DGKI: variants seen among roughly 807,000 people sequenced by gnomAD.
DGKI encodes the protein diacylglycerol kinase iota, also known as DAG kinase iota.
Under a neutral mutation model 147.5 loss-of-function variants are expected in DGKI, and 55 were observed. The observed-to-expected ratio is 0.37, with a 90% CI of 0.30 to 0.47. The LOEUF (loss-of-function observed/expected upper bound fraction) is 0.47. Ranked by LOEUF, DGKI falls within the 20% of genes least tolerant of loss-of-function variation. The probability of loss-of-function intolerance (pLI) is 1.00; values close to 1 mark genes in which losing one functional copy is unlikely to be tolerated. For synonymous variants in DGKI, 469 were observed against 477.1 expected (o/e 0.98, Z 0.22); for missense variants, 1,007 against 1,323.8 (o/e 0.76, Z 3.71).
At chr7:137,809,264 C>G (rs943285203) in intron 1 of DGKI, among the ~76,000 whole-genome samples, 1 of 152,034 alleles carries the variant, frequency 6.6e-6, no homozygotes, top group African/African-American at 2.4e-5. Flanking sequence ...CAGGAGGCTA[C>G]AGAATAGCAA....
chr7:137,436,918 GA>G (rs1216074726), intron 28 of DGKI, among the ~76,000 whole-genome samples: 2 of 152,118 alleles, frequency 1.3e-5, no homozygotes, highest in Non-Finnish European at 2.9e-5. Context: ...TCAAGATGAA[GA>G]AAAGAGTATT....
chr7:137,642,929 A>AGTGTGT (rs1207086851), intron 6 of DGKI, among the ~76,000 whole-genome samples: 52,952 of 120,866 alleles, frequency 0.44, 12,582 homozygotes, highest in Admixed American at 0.55. Flanking sequence ...ATTATGGAAT[A>AGTGTGT]GTGTGTGTGT....
At chr7:137,396,665 G>T (rs1275372412) in intron 31 of DGKI, among the ~76,000 whole-genome samples, 1 of 152,068 alleles carries the variant, frequency 6.6e-6, no homozygotes, top group Non-Finnish European at 1.5e-5. Flanking sequence ...CTTCCCACAT[G>T]CTTAGCTACT....
At chr7:137,602,523 A>C (rs1820029155) in intron 10 of DGKI, among the ~76,000 whole-genome samples, 1 of 152,228 alleles carries the variant, frequency 6.6e-6, no homozygotes. Flanking sequence ...TCTTTTCAAA[A>C]TATGGTATTT....
Position 137,543,052 on chromosome 7 carries a change from G to C in DGKI, c.2147+9317C>G, listed in dbSNP as rs116259755. Among the ~76,000 whole-genome samples, 1,094 of 152,286 alleles carry C rather than the reference G, an allele frequency of 7.2e-3. 9 individuals carry two copies. The highest frequency in any genetic ancestry group is 0.02 in the Middle Eastern group (6 of 294). On this transcript the variant is annotated intron_variant, in intron 20 of 32. Coordinates refer to ENST00000614521, the MANE Select transcript of DGKI (RefSeq NM_001321708.2). ...ATGGGGGAAGAGCAGGAGGGAAACA[G>C]AACCTAATGAGAGGTAGCTACTAAA... is the stretch of plus-strand genomic sequence containing the variant.
rs144837402 is a variant in DGKI, at chr7:137,736,709, G to A, written c.402-46707C>T. On this transcript the variant is annotated intron_variant, in intron 1 of 32. Coordinates refer to ENST00000614521, the MANE Select transcript of DGKI (RefSeq NM_001321708.2). Reference sequence around the variant, plus strand: ...AATTGACCATATGGGATCTTCTGTGGGTTACAAAAATAGCATAATTTAATC... The same window carrying A: ...AATTGACCATATGGGATCTTCTGTGAGTTACAAAAATAGCATAATTTAATC... 5.3e-3 allele frequency among the ~76,000 whole-genome samples: 804 copies of A among 152,122 alleles called. 6 individuals carry two copies. The highest frequency in any genetic ancestry group is 0.018 in the African/African-American group (765 of 41,504).
intron 27 of DGKI, among the ~76,000 whole-genome samples, chr7:137,461,741 G>A (rs763460299): frequency 4.9e-4 from 75 of 151,906 alleles, no homozygotes; most frequent in Non-Finnish European, 9.9e-4. Flanking sequence ...TGTTTTCAAA[G>A]TAATTTTTCA....
At chr7:137,723,080 T>A (rs1013775204) in intron 1 of DGKI, among the ~76,000 whole-genome samples, 1 of 152,070 alleles carries the variant, frequency 6.6e-6, no homozygotes, top group African/African-American at 2.4e-5. Context: ...TCAGTTAGAG[T>A]TCATAAAGCA....
chr7:137,831,172 G>A (rs561092899), intron 1 of DGKI, among the ~76,000 whole-genome samples: 2 of 152,322 alleles, frequency 1.3e-5, no homozygotes, highest in South Asian at 4.1e-4. Flanking sequence ...ACATTCACAA[G>A]CAGAGGCTGC....
At chr7:137,737,204 C>CAAAAAAAAA (rs763572711) in intron 1 of DGKI, among the ~76,000 whole-genome samples, 14 of 83,470 alleles carry the variant, frequency 1.7e-4, no homozygotes, top group East Asian at 3.3e-4. Context: ...CTCATTTCAC[C>CAAAAAAAAA]AAAAAAAAAA....
chr7:137,442,560 A>G (rs1286658062), intron 28 of DGKI, among the ~76,000 whole-genome samples: 1 of 152,234 alleles, frequency 6.6e-6, no homozygotes, highest in Non-Finnish European at 1.5e-5. Flanking sequence ...TAAATGGGCA[A>G]ACACCTAGTA....
chr7:137,830,432 G>A (rs1798185662), intron 1 of DGKI, among the ~76,000 whole-genome samples: 1 of 152,208 alleles, frequency 6.6e-6, no homozygotes. Flanking sequence ...GAGAATTTTT[G>A]TAAATTCATG....
intron 8 of DGKI, among the ~76,000 whole-genome samples, chr7:137,610,712 A>G (rs568107725): frequency 7.4e-4 from 112 of 152,328 alleles, no homozygotes; most frequent in African/African-American, 2.6e-3. Context: ...TGTCTATTCT[A>G]CTTTTTAATG....
intron 28 of DGKI, among the ~76,000 whole-genome samples, chr7:137,429,492 G>A (rs1480510988): frequency 6.7e-6 from 1 of 149,646 alleles, no homozygotes; most frequent in South Asian, 2.1e-4. Flanking sequence ...CATAGGCATG[G>A]GCAAGGACTT....
At chr7:137,675,296 C>T (rs1308650914) in intron 3 of DGKI, among the ~76,000 whole-genome samples, 1 of 152,158 alleles carries the variant, frequency 6.6e-6, no homozygotes, top group Non-Finnish European at 1.5e-5. Context: ...TGCTGGGAAG[C>T]TCAGGCTGAC....
Position 137,846,161 on chromosome 7 carries a change from T to TCTCTCTCTCTCTCTCTCTCA in DGKI, c.401+300_401+301insTGAGAGAGAGAGAGAGAGAG, listed in dbSNP as rs781580130. ...CTCTCTCTCTCTCTCTCTCTCTCTC[T>TCTCTCTCTCTCTCTCTCTCA]CACACACACACACACACACACACAC... is the stretch of plus-strand genomic sequence containing the variant. On this transcript the variant is annotated intron_variant, in intron 1 of 32. Transcript: ENST00000614521. This position sits in a 1 kb window ranked among gnomAD's most constrained non-coding sequence, Gnocchi z 4.0. 1.6e-4 allele frequency among the ~76,000 whole-genome samples: 17 copies of TCTCTCTCTCTCTCTCTCTCA among 108,214 alleles called. No homozygotes were observed. Among genetic ancestry groups the TCTCTCTCTCTCTCTCTCTCA allele is most frequent in the Admixed American group, 1.1e-3 (10 of 9,282 alleles). The allele number at this position is 108,214 out of a possible 152,430, so 71.0% of individuals were successfully genotyped here. A position where few individuals can be genotyped will look rare whatever the true frequency, so the allele number is the denominator to read the frequency against.
In DGKI at chr7:137,395,599, T is replaced by C. The variant is rs768891687; in HGVS notation, c.3056A>G (p.Lys1019Arg). The change falls in exon 32 of 33, where the codon AAG (lysine) becomes AGG (arginine). Residue 1019 changes from lysine (K) to arginine (R), a missense_variant and splice_region_variant. Physicochemically the swap from Lys to Arg is conservative, Grantham distance 26 (BLOSUM62 2). This residue lies in a region of DGKI where 385 missense variants were observed against 445.2 expected (regional missense o/e 0.86). Coordinates refer to ENST00000614521, the MANE Select transcript of DGKI (RefSeq NM_001321708.2). Reference protein sequence around the residue: ...AGASLRKTDSKGKTPQERAQQ... With the variant: ...AGASLRKTDSRGKTPQERAQQ... ...GTTTGCACTCACTCATCGAGTTACC[T>C]TGGAGTCCGTCTTTCTCAGAGATGC... is the stretch of plus-strand genomic sequence containing the variant. The C allele has an allele frequency of 6.2e-7, 1 of 1,613,944 alleles. No individual in the cohort carries two copies. Among genetic ancestry groups the C allele is most frequent in the Admixed American group, 1.7e-5 (1 of 60,026 alleles).
chr7:137,546,210 C>T (rs1358868065), intron 20 of DGKI, among the ~76,000 whole-genome samples: 3 of 152,100 alleles, frequency 2.0e-5, no homozygotes, highest in South Asian at 2.1e-4. Flanking sequence ...AGTCACAGAC[C>T]GGAGCGGGGC....
At chr7:137,431,783 G>A (rs1425170570) in intron 28 of DGKI, among the ~76,000 whole-genome samples, 1 of 152,188 alleles carries the variant, frequency 6.6e-6, no homozygotes, top group Non-Finnish European at 1.5e-5. Flanking sequence ...CTGCTCCAGG[G>A]GGAAACCCAG....
Sources: gnomAD v4.1 joint callset for allele counts (sites outside exome capture counted in the v4.1 genomes callset) on GRCh38, gnomAD v4.1.1 for gene constraint, gnomAD v4.1.1 regional missense constraint, Gnocchi (gnomAD v3.1) non-coding constraint, MANE v1.5 for transcripts, NCBI Gene and HGNC (gene_info 2026-07-23, HGNC 2026-07-21) for gene names.